Variants in YJU2 observed in about 807,000 individuals in gnomAD.
YJU2 encodes the protein YJU2 splicing factor homolog.
In YJU2, 28 loss-of-function variants were observed where a neutral mutation model predicts 39.6. The observed-to-expected ratio is 0.71, with a 90% CI of 0.52 to 0.97. The LOEUF is 0.97. YJU2 is among the 50% of genes least tolerant of loss of function. YJU2 has a pLI of 0.00. For missense variants in YJU2, 328 were observed against 430.4 expected (o/e 0.76, Z 2.11); for synonymous variants, 184 against 182.4 (o/e 1.01, Z -0.07).
chr19:4,262,078 A>C lies in YJU2; in HGVS notation c.672A>C (p.Pro224=). Reference sequence around the variant, plus strand: ...AGGCTGCTCCCTCGCCCCTGCAGCCAGCCCTTCGGCCCAACCCCACCGCCA... The same window carrying C: ...AGGCTGCTCCCTCGCCCCTGCAGCCCGCCCTTCGGCCCAACCCCACCGCCA... The part of the protein sequence containing the change: ...EDEAAPSPLQ[P]ALRPNPTAIL... The change falls in exon 6 of 8, where the codon CCA becomes CCC. Residue 224 remains proline (P), a synonymous_variant. Coordinates refer to ENST00000262962, the MANE Select transcript of YJU2 (RefSeq NM_018074.6). 1 of 1,611,988 alleles carries C rather than the reference A, an allele frequency of 6.2e-7. No homozygotes were observed. The highest frequency in any genetic ancestry group is 8.5e-7 in the Non-Finnish European group (1 of 1,179,962).
chr19:4,257,861 C>A (rs1428270530), intron 4 of YJU2, among the ~76,000 whole-genome samples: 1 of 152,158 alleles, frequency 6.6e-6, no homozygotes, highest in Non-Finnish European at 1.5e-5. Flanking sequence ...CTCCGGCCTC[C>A]CAAAATGCTG....
chr19:4,249,120 G>C, intron 1 of YJU2, 108 bp from the exon 2 acceptor site: 1 of 674,074 alleles, frequency 1.5e-6, no homozygotes, highest in Non-Finnish European at 2.6e-6. Context: ...CGGAACCTGG[G>C]GTGGGCTTGG....
intron 6 of YJU2, among the ~76,000 whole-genome samples, chr19:4,263,092 A>C (rs939986969): frequency 6.6e-6 from 1 of 150,470 alleles, no homozygotes. Context: ...AAAAAAAAAA[A>C]CTTAATTTAC....
chr19:4,248,802 C>T (rs890512826), intron 1 of YJU2, among the ~76,000 whole-genome samples: 1 of 151,888 alleles, frequency 6.6e-6, no homozygotes, highest in Non-Finnish European at 1.5e-5. Context: ...GCCTGTAATC[C>T]CAGCTACTGT....
intron 5 of YJU2, 133 bp downstream of exon 5, chr19:4,258,556 A>C: frequency 3.7e-6 from 5 of 1,363,462 alleles, no homozygotes; most frequent in Non-Finnish European, 4.9e-6. Context: ...CGCCCATCTC[A>C]CTTTCTCCCT....
At chr19:4,259,113 C>G (rs955997621) in intron 5 of YJU2, among the ~76,000 whole-genome samples, 9 of 128,176 alleles carry the variant, frequency 7.0e-5, no homozygotes, top group African/African-American at 2.8e-4. Context: ...GACGGAGTCT[C>G]CCTCTGCTGC....
At position 4,258,393 on chromosome 19, in the gene YJU2, A is replaced by G. The variant is rs771279414; in HGVS notation, c.557A>G (p.Gln186Arg). The G allele has an allele frequency of 1.3e-6, 2 of 1,596,456 alleles. No individual in the cohort carries two copies. The highest frequency in any genetic ancestry group is 1.7e-6 in the Non-Finnish European group (2 of 1,173,646). The change falls in exon 5 of 8, where the codon CAG becomes CGG. Residue 186 changes from glutamine to arginine, a missense_variant. Gln to Arg is a conservative substitution (Grantham distance 43, BLOSUM62 1). Transcript: ENST00000262962. ...CTGTCGGAGGAGGAGCGGCGGAGGCAGCAGCAGGAGGAGGACGAGCAGGAG... is the reference window on the plus strand; with the variant it reads ...CTGTCGGAGGAGGAGCGGCGGAGGCGGCAGCAGGAGGAGGACGAGCAGGAG... ...HRLSEEERRR[Q>R]QQEEDEQETA...
At chr19:4,257,345 A>G (rs954054674) in intron 4 of YJU2, among the ~76,000 whole-genome samples, 9 of 152,122 alleles carry the variant, frequency 5.9e-5, no homozygotes, top group African/African-American at 1.9e-4. Context: ...CCAAGCTGGA[A>G]TGCATTGGCA....
chr19:4,268,661 T>C lies in YJU2; in HGVS notation c.937T>C (p.Tyr313His), dbSNP rs780765254. The C allele has an allele frequency of 1.9e-6, 3 of 1,613,906 alleles. No homozygotes were observed. The highest frequency in any genetic ancestry group is 1.7e-6 in the Non-Finnish European group (2 of 1,179,926). Residue 313 changes from tyrosine to histidine, a missense_variant, in exon 8 of 8, where the codon TAC becomes CAC. Transcript: ENST00000262962. The stretch of plus-strand genomic sequence containing the variant: ...GTCCTCCCTGAGCCAACTGGGTGCA[T>C]ACCTGGACAGTGACGACAGCAACGG... ...GASSLSQLGA[Y>H]LDSDDSNGSN is the part of the protein sequence containing the mutation.
intron 1 of YJU2, among the ~76,000 whole-genome samples, chr19:4,247,580 C>CGTGGCGTGGCGTGGCATGGCGTGGCGTG (rs202183584): frequency 2.2e-5 from 1 of 46,228 alleles, no homozygotes; most frequent in African/African-American, 1.3e-4. Flanking sequence ...GGTGGGGTGG[C>CGTGGCGTGGCGTGGCATGGCGTGGCGTG]GCGTGTGTGT....
rs1038239455 is a variant in YJU2 at position 4,268,590 on chromosome 19, C to T, written c.866C>T (p.Pro289Leu). The change falls in exon 8 of 8, where the codon CCG (proline) becomes CTG (leucine). Residue 289 changes from proline (P) to leucine (L), a missense_variant. Physicochemically the swap from Pro to Leu is moderately conservative, Grantham distance 98. Around this residue, in one of 2 missense-constraint regions of YJU2, gnomAD observed 244 missense variants for 264.6 expected, o/e 0.92. Transcript: ENST00000262962. ...QPQAAPTPGA[P>L]QNRKEANPTP... is the part of the protein sequence containing the mutation. Reference sequence around the variant, plus strand: ...ACTCTCGCTCTCCCACCAGGAGCCCCGCAGAACAGGAAGGAGGCCAACCCT... The same window carrying T: ...ACTCTCGCTCTCCCACCAGGAGCCCTGCAGAACAGGAAGGAGGCCAACCCT... 22 of 1,610,892 alleles carry T rather than the reference C, an allele frequency of 1.4e-5. No individual in the cohort carries two copies. Among genetic ancestry groups the T allele is most frequent in the South Asian group, 3.3e-5 (3 of 90,724 alleles).
intron 7 of YJU2, among the ~76,000 whole-genome samples, 162 bp downstream of exon 7, chr19:4,267,936 TTTTTTTCTTTTTTC>T (rs560524980): frequency 2.0e-5 from 3 of 151,850 alleles, no homozygotes; most frequent in Non-Finnish European, 4.4e-5. Flanking sequence ...AGGCGGCTTC[TTTTTTTCTTTTTTC>T]TTTTTTCTTT....
chr19:4,250,365 C>A (rs1272451530), intron 2 of YJU2, among the ~76,000 whole-genome samples: 1 of 152,112 alleles, frequency 6.6e-6, no homozygotes, highest in Non-Finnish European at 1.5e-5. Context: ...AACAAAGTCC[C>A]TGGCCTCATG....
chr19:4,264,282 A>G lies in YJU2; in HGVS notation c.708+2168A>G, dbSNP rs1253578506. Reference sequence around the variant, plus strand: ...GTCTCAAAAAAAAAAAAAAAAAAAAAAAAAGAAACGATTGTTCTTTCTTCC... The same window carrying G: ...GTCTCAAAAAAAAAAAAAAAAAAAAGAAAAGAAACGATTGTTCTTTCTTCC... On this transcript the variant is annotated intron_variant, in intron 6 of 7. Coordinates refer to ENST00000262962, the MANE Select transcript of YJU2 (RefSeq NM_018074.6). 7.4e-5 allele frequency among the ~76,000 whole-genome samples: 11 copies of G among 149,636 alleles called. No homozygotes were observed. The East Asian group carries it at 1.8e-3, about 24-fold the overall frequency.
At chr19:4,252,324 C>T (rs577324963) in intron 3 of YJU2, among the ~76,000 whole-genome samples, 12 of 152,006 alleles carry the variant, frequency 7.9e-5, no homozygotes, top group South Asian at 4.2e-4. Context: ...ATAGGCCGGG[C>T]GCAGTGGCTC....
intron 1 of YJU2, among the ~76,000 whole-genome samples, 200 bp from the exon 2 acceptor site, chr19:4,249,028 A>G (rs1438501095): frequency 1.3e-5 from 2 of 151,978 alleles, no homozygotes; most frequent in Admixed American, 6.6e-5. Flanking sequence ...GTCCTGTATA[A>G]CTCCACTAGG....
intron 1 of YJU2, 89 bp downstream of exon 1, chr19:4,247,259 G>A (rs1266646754): frequency 8.2e-7 from 1 of 1,215,216 alleles, no homozygotes; most frequent in African/African-American, 1.5e-5. Context: ...TCTCTTCTTT[G>A]GAACCCTTCT....
In YJU2 at chr19:4,249,233, C is replaced by G; in HGVS notation, c.30C>G (p.Tyr10Ter). Residue 10 changes from tyrosine to a stop codon, truncating the protein, a stop_gained, in exon 2 of 8, where the codon TAC (tyrosine) becomes TAG (stop). Coordinates refer to ENST00000262962, the MANE Select transcript of YJU2 (RefSeq NM_018074.6). LOFTEE classifies it high-confidence loss of function. MSERKVLNK[Y>*]YPPDFDPSKI... ...GTTTCCTTCCTCCCCTGCAGAAATACTACCCGCCGGACTTTGACCCATCAA... is the reference window on the plus strand; with the variant it reads ...GTTTCCTTCCTCCCCTGCAGAAATAGTACCCGCCGGACTTTGACCCATCAA... 6.2e-7 allele frequency: 1 copy of G among 1,611,088 alleles called. No homozygotes were observed. Among genetic ancestry groups the G allele is most frequent in the South Asian group, 1.1e-5 (1 of 90,836 alleles).
chr19:4,257,262 G>T (rs1971029186), intron 4 of YJU2, among the ~76,000 whole-genome samples: 1 of 152,004 alleles, frequency 6.6e-6, no homozygotes, highest in African/African-American at 2.4e-5. Context: ...CCGGTGTACA[G>T]TAGGTGCTCA....
Sources: gnomAD v4.1 joint callset for allele counts (sites outside exome capture counted in the v4.1 genomes callset) on GRCh38, gnomAD v4.1.1 for gene constraint, gnomAD v4.1.1 regional missense constraint, MANE v1.5 for transcripts, NCBI Gene and HGNC (gene_info 2026-07-23, HGNC 2026-07-21) for gene names.